Variants in SOX5 observed in about 807,000 individuals in gnomAD.
SOX5 encodes the protein transcription factor SOX-5.
Under a neutral mutation model 92.0 loss-of-function variants are expected in SOX5, and 9 were observed. That is an observed-to-expected ratio of 0.10 (90% CI 0.06 to 0.17). SOX5 has a LOEUF of 0.17. Among genes scored for constraint, SOX5 ranks in the 10% least tolerant of loss-of-function variants. The pLI is 1.00. For synonymous variants in SOX5, 344 were observed against 336.3 expected (o/e 1.02, Z -0.25); for missense variants, 642 against 944.5 (o/e 0.68, Z 4.20).
At chr12:24,489,656 A>T (rs1946855887) in intron 1 of SOX5, among the ~76,000 whole-genome samples, 1 of 152,218 alleles carries the variant, frequency 6.6e-6, no homozygotes. Context: ...ACTTAATAAA[A>T]AGAATTGTTG....
intron 1 of SOX5, among the ~76,000 whole-genome samples, chr12:24,541,422 T>C (rs78749724): frequency 0.015 from 2,220 of 152,350 alleles, 57 homozygotes; most frequent in African/African-American, 0.052. Flanking sequence ...ATTAGACTTT[T>C]TGTAGTTACA....
intron 1 of SOX5, among the ~76,000 whole-genome samples, chr12:24,413,859 A>G (rs758242112): frequency 6.6e-6 from 1 of 152,212 alleles, no homozygotes; most frequent in Non-Finnish European, 1.5e-5. Context: ...AATTTGAAGG[A>G]CACAGGCATA....
chr12:23,590,674 T>C (rs1025711233), intron 9 of SOX5, among the ~76,000 whole-genome samples: 2 of 152,046 alleles, frequency 1.3e-5, no homozygotes, highest in African/African-American at 4.8e-5. Flanking sequence ...ATTGCTGTTC[T>C]TTTTTTATTC....
intron 4 of SOX5, among the ~76,000 whole-genome samples, chr12:24,051,819 C>T (rs1158573805): frequency 1.3e-5 from 2 of 152,184 alleles, no homozygotes; most frequent in African/African-American, 2.4e-5. Flanking sequence ...AACCACATTA[C>T]TTGCAAACTA....
chr12:24,514,498 T>C (rs187039864), intron 1 of SOX5, among the ~76,000 whole-genome samples: 2 of 152,326 alleles, frequency 1.3e-5, no homozygotes, highest in East Asian at 3.9e-4. Flanking sequence ...ATTTTTCTCA[T>C]TGATGGCATA....
Position 23,633,931 on chromosome 12 carries a change from C to T in SOX5, c.1017+6881G>A, listed in dbSNP as rs146623148. On this transcript the variant is annotated intron_variant, in intron 8 of 14. Transcript: ENST00000451604. The stretch of plus-strand genomic sequence containing the variant: ...TAAGTGCTAAAACACATTCTTTATG[C>T]AGCAACCCACTGTTATGGTAAGATA... Among the ~76,000 whole-genome samples the T allele has an allele frequency of 1.9e-3, 287 of 152,160 alleles. 1 individual carries two copies. The highest frequency in any genetic ancestry group is 3.6e-3 in the Non-Finnish European group (247 of 67,958).
chr12:24,406,436 T>C (rs10743498), intron 1 of SOX5, among the ~76,000 whole-genome samples: 113,584 of 152,072 alleles, frequency 0.75, 42,830 homozygotes, highest in East Asian at 0.92. Flanking sequence ...AATATAACAT[T>C]CGTTCAAGTG....
At chr12:23,563,138 G>A in intron 11 of SOX5, 120 bp downstream of exon 11, 1 of 801,530 alleles carries the variant, frequency 1.2e-6, no homozygotes, top group Non-Finnish European at 2.0e-6. Context: ...TTAATGGAGG[G>A]AGAAAAGGGA....
At chr12:24,188,166 C>T (rs967003869) in intron 4 of SOX5, among the ~76,000 whole-genome samples, 17 of 152,086 alleles carry the variant, frequency 1.1e-4, no homozygotes, top group Non-Finnish European at 7.4e-5. Context: ...AATTTGAATG[C>T]TTCATTTCTT....
intron 3 of SOX5, among the ~76,000 whole-genome samples, chr12:23,783,172 T>C (rs899849284): frequency 6.6e-6 from 1 of 152,206 alleles, no homozygotes; most frequent in African/African-American, 2.4e-5. Context: ...CTTCATCCAC[T>C]AGTATATAAG....
At chr12:23,764,293 A>G (rs2141382553) in intron 3 of SOX5, among the ~76,000 whole-genome samples, 1 of 152,222 alleles carries the variant, frequency 6.6e-6, no homozygotes, top group East Asian at 1.9e-4. Context: ...GTTATTTTCC[A>G]TATATTCCAT....
chr12:23,605,496 C>G (rs571676960), intron 8 of SOX5, among the ~76,000 whole-genome samples: 75 of 150,270 alleles, frequency 5.0e-4, no homozygotes, highest in African/African-American at 1.5e-3. Flanking sequence ...AAATTTTACA[C>G]ACACACACAC....
At chr12:24,082,607 T>C (rs982522339) in intron 4 of SOX5, among the ~76,000 whole-genome samples, 4 of 151,700 alleles carry the variant, frequency 2.6e-5, no homozygotes, top group Admixed American at 6.6e-5. Context: ...GGAAATACCA[T>C]ATAAAATGGA....
intron 1 of SOX5, among the ~76,000 whole-genome samples, chr12:24,509,852 T>G (rs1421940743): frequency 6.6e-6 from 1 of 152,346 alleles, no homozygotes; most frequent in East Asian, 1.9e-4. Flanking sequence ...ATTTAAATAA[T>G]TTCAGACAGA....
At chr12:23,844,548 C>G (rs900770620) in intron 3 of SOX5, among the ~76,000 whole-genome samples, 1 of 151,940 alleles carries the variant, frequency 6.6e-6, no homozygotes, top group Non-Finnish European at 1.5e-5. Context: ...TCAAAAATAT[C>G]AAAAAAATTC....
chr12:23,699,851 G>C (rs2090379343), intron 6 of SOX5, among the ~76,000 whole-genome samples: 1 of 152,176 alleles, frequency 6.6e-6, no homozygotes, highest in Non-Finnish European at 1.5e-5. Context: ...AGGGGAAGCA[G>C]TGTAGCCTAG....
chr12:24,021,054 C>A (rs1954226252), intron 4 of SOX5, among the ~76,000 whole-genome samples: 1 of 152,162 alleles, frequency 6.6e-6, no homozygotes, highest in Non-Finnish European at 1.5e-5. Context: ...GAGTCACAAC[C>A]ACCACAGGAG....
chr12:23,801,999 A>G (rs1322884532), intron 3 of SOX5, among the ~76,000 whole-genome samples: 1 of 152,184 alleles, frequency 6.6e-6, no homozygotes, highest in South Asian at 2.1e-4. Context: ...GCATGCTACA[A>G]TTATAGAATA....
chr12:24,006,893 G>T (rs1569472386), intron 4 of SOX5, among the ~76,000 whole-genome samples: 1 of 151,776 alleles, frequency 6.6e-6, no homozygotes, highest in Admixed American at 6.6e-5. Flanking sequence ...CAGCACTTTG[G>T]GAGGCCAAGG....
Sources: allele counts gnomAD v4.1 joint callset (sites outside exome capture counted in the v4.1 genomes callset), GRCh38; gene constraint gnomAD v4.1.1; transcripts MANE v1.5; gene names NCBI Gene and HGNC (gene_info 2026-07-23, HGNC 2026-07-21).